WDR27: variants seen among roughly 807,000 people sequenced by gnomAD.
WDR27 encodes the protein WD repeat-containing protein 27.
WDR27 carries 100 observed loss-of-function variants against 114.4 expected under a neutral mutation model. The observed-to-expected ratio is 0.87, with a 90% CI of 0.74 to 1.03. The LOEUF (loss-of-function observed/expected upper bound fraction) is 1.03. Among genes scored for constraint, WDR27 ranks in the 50% least tolerant of loss-of-function variants. The pLI is 0.00. For synonymous variants in WDR27, 449 were observed against 423.1 expected, an observed-to-expected ratio of 1.06 and a Z score of -0.75; for missense variants, 1,129 against 1,092.9, an observed-to-expected ratio of 1.03 and a Z score of -0.47.
downstream of WDR27, among the ~76,000 whole-genome samples, chr6:169,456,898 T>C: frequency 7.0e-6 from 1 of 143,762 alleles, no homozygotes. This position sits in a 1 kb window ranked among gnomAD's most constrained non-coding sequence, Gnocchi z 4.0. Context: ...CACACAGAAC[T>C]CATGGTCAGA....
intron 1 of WDR27, among the ~76,000 whole-genome samples, chr6:169,698,406 C>A (rs1031135917): frequency 2.6e-5 from 4 of 151,956 alleles, no homozygotes; most frequent in Non-Finnish European, 5.9e-5. Context: ...AGGGACACAC[C>A]GACACACACA....
intron 25 of WDR27, among the ~76,000 whole-genome samples, chr6:169,510,359 T>C (rs1792650504): frequency 6.6e-6 from 1 of 152,018 alleles, no homozygotes; most frequent in Middle Eastern, 3.4e-3. Flanking sequence ...CTATTCACAA[T>C]AGCAAAGACT....
At chr6:169,504,625 T>C (rs1160822586) in intron 25 of WDR27, among the ~76,000 whole-genome samples, 4 of 152,206 alleles carry the variant, frequency 2.6e-5, no homozygotes, top group South Asian at 2.1e-4. Flanking sequence ...AGATTTTTTT[T>C]TGAGACAGGG....
At chr6:169,655,699 A>G (rs1275105147) in intron 13 of WDR27, among the ~76,000 whole-genome samples, 2 of 152,158 alleles carry the variant, frequency 1.3e-5, no homozygotes, top group Non-Finnish European at 1.5e-5. Flanking sequence ...TGACAACTGA[A>G]GGGTGAGCAG....
Position 169,594,448 on chromosome 6 carries a change from G to C in WDR27, c.2424+7771C>G, listed in dbSNP as rs79954437. On this transcript the variant is annotated intron_variant, in intron 23 of 25. Transcript: ENST00000448612. ...TACAAGATAATGCATTATCAATTAT[G>C]ATATAGAGGTTTCCTATAACCTTAT... is the stretch of plus-strand genomic sequence containing the variant. Among the ~76,000 whole-genome samples the C allele has an allele frequency of 3.4e-3, 513 of 152,274 alleles. 5 individuals are homozygous for C. The highest frequency in any genetic ancestry group is 0.033 in the East Asian group (171 of 5,188).
At chr6:169,680,633 C>T (rs1369381561) in intron 2 of WDR27, among the ~76,000 whole-genome samples, 1 of 151,970 alleles carries the variant, frequency 6.6e-6, no homozygotes, top group Non-Finnish European at 1.5e-5. Flanking sequence ...TTAAAAGATC[C>T]CTGAATGTTT....
chr6:169,668,323 C>G (rs910961378), intron 4 of WDR27, 138 bp from the exon 5 acceptor site: 1 of 826,476 alleles, frequency 1.2e-6, no homozygotes, highest in Non-Finnish European at 1.9e-6. Context: ...TAAAAGCCGA[C>G]ACTGACTGGA....
chr6:169,476,048 G>A (rs1027743378), intron 25 of WDR27, among the ~76,000 whole-genome samples: 1 of 152,178 alleles, frequency 6.6e-6, no homozygotes, highest in African/African-American at 2.4e-5. Context: ...CTATGCAGCT[G>A]TTGGGAGAAA....
the WDR27 span, among the ~76,000 whole-genome samples, chr6:169,441,739 T>C: frequency 1.4e-4 from 21 of 152,358 alleles, no homozygotes; most frequent in African/African-American, 4.6e-4. Context: ...CAACAATGCA[T>C]AACATTTTTC....
intron 24 of WDR27, among the ~76,000 whole-genome samples, chr6:169,573,425 A>G (rs1018935703): frequency 6.6e-6 from 1 of 152,208 alleles, no homozygotes; most frequent in South Asian, 2.1e-4. Context: ...AAGTCCACTT[A>G]TAGATGGATT....
intron 25 of WDR27, among the ~76,000 whole-genome samples, chr6:169,479,204 C>A (rs1787604706): frequency 6.6e-6 from 1 of 152,240 alleles, no homozygotes; most frequent in South Asian, 2.1e-4. Context: ...GCAAAAACAA[C>A]CTCATTGAAA....
At chr6:169,563,808 G>T (rs1800020889) in intron 25 of WDR27, among the ~76,000 whole-genome samples, 1 of 152,212 alleles carries the variant, frequency 6.6e-6, no homozygotes, top group Non-Finnish European at 1.5e-5. Context: ...GGACACGGGT[G>T]GGTGGAGGTT....
intron 22 of WDR27, among the ~76,000 whole-genome samples, chr6:169,607,482 G>A (rs1383285741): frequency 1.3e-5 from 2 of 151,828 alleles, no homozygotes. Context: ...TGCAGCACAT[G>A]GATGGAAGTA....
chr6:169,444,089 C>T, the WDR27 span, among the ~76,000 whole-genome samples: 1 of 152,128 alleles, frequency 6.6e-6, no homozygotes, highest in Admixed American at 6.5e-5. Context: ...ATGAGACTCC[C>T]AGTCACGTGT....
intron 8 of WDR27, among the ~76,000 whole-genome samples, chr6:169,662,800 C>T (rs1256191631): frequency 8.7e-6 from 1 of 114,440 alleles, no homozygotes; most frequent in Non-Finnish European, 1.7e-5. Context: ...CACCGCGGAG[C>T]ATTCGGATCA....
At chr6:169,595,228 T>C (rs1298934268) in intron 23 of WDR27, among the ~76,000 whole-genome samples, 1 of 152,238 alleles carries the variant, frequency 6.6e-6, no homozygotes, top group Non-Finnish European at 1.5e-5. Flanking sequence ...AGTTTCATCA[T>C]AGTATTTTAT....
At chr6:169,488,641 AAGG>A (rs1313739371) in intron 25 of WDR27, among the ~76,000 whole-genome samples, 3 of 152,192 alleles carry the variant, frequency 2.0e-5, no homozygotes, top group African/African-American at 7.2e-5. Context: ...TTTGCAGATA[AAGG>A]AGAACTCCCC....
At chr6:169,683,726 TC>T (rs1782161223) in intron 2 of WDR27, among the ~76,000 whole-genome samples, 1 of 151,908 alleles carries the variant, frequency 6.6e-6, no homozygotes, top group Non-Finnish European at 1.5e-5. Context: ...AGATGGGACT[TC>T]CCCCTGCAAG....
At chr6:169,625,632 G>T (rs539148925) in intron 21 of WDR27, among the ~76,000 whole-genome samples, 1 of 152,228 alleles carries the variant, frequency 6.6e-6, no homozygotes, top group Admixed American at 6.5e-5. Context: ...CTGTCAGGTG[G>T]GTGCAGTCAG....
Sources: gnomAD v4.1 joint callset for allele counts (sites outside exome capture counted in the v4.1 genomes callset) on GRCh38, gnomAD v4.1.1 for gene constraint, Gnocchi (gnomAD v3.1) non-coding constraint, MANE v1.5 for transcripts, NCBI Gene and HGNC (gene_info 2026-07-23, HGNC 2026-07-21) for gene names.